The following SPAG17 variants were observed in gnomAD, a reference collection of about 807,000 sequenced individuals.
SPAG17 encodes the protein sperm associated antigen 17.
SPAG17 carries 169 observed loss-of-function variants against 273.6 expected under a neutral mutation model. The ratio of observed to expected loss-of-function variants is 0.62; its 90% CI spans 0.55 to 0.70. SPAG17 has a LOEUF of 0.70. Ranked by LOEUF, SPAG17 falls within the 30% of genes least tolerant of loss-of-function variation. The probability of loss-of-function intolerance (pLI) is 0.00; values close to 1 mark genes in which losing one functional copy is unlikely to be tolerated. For synonymous variants in SPAG17, 825 were observed against 873.2 expected, an observed-to-expected ratio of 0.94 and a Z score of 0.97; for missense variants, 2,557 against 2,627.8, an observed-to-expected ratio of 0.97 and a Z score of 0.59.
chr1:118,052,621 A>C (rs1427565391), intron 20 of SPAG17, among the ~76,000 whole-genome samples: 1 of 152,106 alleles, frequency 6.6e-6, no homozygotes, highest in African/African-American at 2.4e-5. Flanking sequence ...GCCATTTTAT[A>C]ATATGTACAT....
chr1:117,959,499 C>A, intron 48 of SPAG17: 1 of 1,501,536 alleles, frequency 6.7e-7, no homozygotes, highest in Non-Finnish European at 8.9e-7. Flanking sequence ...TAAAGGACTC[C>A]TAAACTAAGC....
chr1:118,014,514 A>C (rs1448169317), intron 29 of SPAG17, among the ~76,000 whole-genome samples: 1 of 152,244 alleles, frequency 6.6e-6, no homozygotes, highest in African/African-American at 2.4e-5. Context: ...AATGAACAAA[A>C]AACCTTTCTG....
At chr1:118,152,100 G>A (rs991789470) in intron 1 of SPAG17, among the ~76,000 whole-genome samples, 8 of 152,114 alleles carry the variant, frequency 5.3e-5, no homozygotes, top group African/African-American at 1.2e-4. Context: ...AGCTACTCAC[G>A]CAAATCAGTA....
intron 1 of SPAG17, among the ~76,000 whole-genome samples, chr1:118,154,888 G>A (rs777345678): frequency 2.0e-5 from 3 of 152,030 alleles, no homozygotes; most frequent in African/African-American, 7.2e-5. Context: ...AGAAGTTTGG[G>A]TGTAATTAGT....
intron 10 of SPAG17, among the ~76,000 whole-genome samples, chr1:118,089,382 G>T (rs897376265): frequency 1.1e-4 from 14 of 124,094 alleles, no homozygotes; most frequent in Non-Finnish European, 1.8e-4. Flanking sequence ...GAGATGACAG[G>T]TACATCTCAG....
chr1:118,070,875 T>G (rs1031784004), intron 17 of SPAG17, among the ~76,000 whole-genome samples: 1 of 152,186 alleles, frequency 6.6e-6, no homozygotes, highest in Non-Finnish European at 1.5e-5. Flanking sequence ...TTTCAAGTAT[T>G]CAGAAGTTAC....
At chr1:118,167,845 T>C (rs181939868) in intron 1 of SPAG17, among the ~76,000 whole-genome samples, 2 of 152,236 alleles carry the variant, frequency 1.3e-5, no homozygotes, top group African/African-American at 2.4e-5. Flanking sequence ...TTTTCATGAA[T>C]GGTTTAGAAC....
At chr1:118,084,321 G>C (rs1273962542) in intron 13 of SPAG17, among the ~76,000 whole-genome samples, 1 of 152,132 alleles carries the variant, frequency 6.6e-6, no homozygotes, top group Non-Finnish European at 1.5e-5. Context: ...TTTTTAGTTC[G>C]GTTAGGCTTA....
Position 118,093,146 on chromosome 1 carries a change from C to T in SPAG17, c.1173+10G>A. 1 of 1,610,040 alleles carries T rather than the reference C, an allele frequency of 6.2e-7. No homozygotes were observed. Among genetic ancestry groups the T allele is most frequent in the Non-Finnish European group, 8.5e-7 (1 of 1,178,158 alleles). On this transcript the variant is annotated intron_variant, in intron 8 of 48. Transcript: ENST00000336338. ...ATTCATCCCACTAAAGACATTGAGCCCATGCCTACCTCTGAAGTTGGCATG... is the reference window on the plus strand; with the variant it reads ...ATTCATCCCACTAAAGACATTGAGCTCATGCCTACCTCTGAAGTTGGCATG...
At position 118,073,903 on chromosome 1, in the gene SPAG17, A is replaced by T; in HGVS notation, c.2336T>A (p.Leu779Gln). Residue 779 changes from leucine (L) to glutamine (Q), a missense_variant, in exon 17 of 49, where the codon CTA (leucine) becomes CAA (glutamine). Leu to Gln is a moderately radical substitution (Grantham distance 113). Coordinates refer to ENST00000336338, the MANE Select transcript of SPAG17 (RefSeq NM_206996.4). ...EDIKKTQQRSLMDWSFTEHFK... is the reference protein window; with the variant it reads ...EDIKKTQQRSQMDWSFTEHFK... Reference sequence around the variant, plus strand: ...ATGTTCAGTAAAACTCCAGTCCATTAGACTGCGCTGCTGTGTTTTCTTTAT... The same window carrying T: ...ATGTTCAGTAAAACTCCAGTCCATTTGACTGCGCTGCTGTGTTTTCTTTAT... 6.3e-7 allele frequency: 1 copy of T among 1,576,106 alleles called. No homozygotes were observed. Among genetic ancestry groups the T allele is most frequent in the African/African-American group, 1.4e-5 (1 of 71,814 alleles).
At chr1:118,155,324 A>T (rs1570794989) in intron 1 of SPAG17, among the ~76,000 whole-genome samples, 1 of 152,232 alleles carries the variant, frequency 6.6e-6, no homozygotes, top group African/African-American at 2.4e-5. Flanking sequence ...GGGTAAATTT[A>T]CAACTGTTTT....
chr1:118,023,476 C>CAA lies in SPAG17; in HGVS notation c.3910-15_3910-14dup. On this transcript the variant is annotated splice_polypyrimidine_tract_variant and intron_variant, in intron 27 of 48. Coordinates refer to ENST00000336338, the MANE Select transcript of SPAG17 (RefSeq NM_206996.4). Reference sequence around the variant, plus strand: ...CTGCAAAGAGAATCTGAAGAATGAACAAAAGTTTTCAGCATTCTCAGAAGC... The same window carrying CAA: ...CTGCAAAGAGAATCTGAAGAATGAACAAAAAAGTTTTCAGCATTCTCAGAAGC... 1.3e-6 allele frequency: 2 copies of CAA among 1,599,574 alleles called. No homozygotes were observed. The highest frequency in any genetic ancestry group is 1.7e-6 in the Non-Finnish European group (2 of 1,172,930).
Position 118,051,670 on chromosome 1 carries a change from T to C in SPAG17, c.2814+2332A>G, listed in dbSNP as rs1195740096. Among the ~76,000 whole-genome samples the C allele has an allele frequency of 2.7e-5, 4 of 147,096 alleles. No homozygotes were observed. The East Asian group carries it at 5.9e-4, about 22-fold the overall frequency. On this transcript the variant is annotated intron_variant, in intron 20 of 48. Transcript: ENST00000336338. ...ATGTGTATATACACAAAATACATAA[T>C]ATATAATAGTATTATATAATAGTAT...
At chr1:118,020,742 G>A (rs1268280424) in intron 28 of SPAG17, among the ~76,000 whole-genome samples, 1 of 152,102 alleles carries the variant, frequency 6.6e-6, no homozygotes, top group Non-Finnish European at 1.5e-5. Flanking sequence ...AATAGGGGTT[G>A]GCAAATTGTG....
At chr1:118,156,321 A>T (rs1659647263) in intron 1 of SPAG17, among the ~76,000 whole-genome samples, 2 of 152,212 alleles carry the variant, frequency 1.3e-5, no homozygotes, top group Admixed American at 6.5e-5. Flanking sequence ...AGGGCTCTAT[A>T]CATAAATATC....
In SPAG17 at chr1:118,101,866, T is replaced by C. The variant is rs770680556; in HGVS notation, c.508A>G (p.Lys170Glu). ...GCAGGCTTGGCACTTGGAGCCTTTT[T>C]CTCCTTGGGAGATTTTGCTTTCCCT... ...DKGKAKSPKE[K>E]KAPSAKPAKG... Residue 170 changes from lysine (K) to glutamate (E), a missense_variant, in exon 5 of 49, where the codon AAA becomes GAA. Lys to Glu is a moderately conservative substitution (Grantham distance 56, BLOSUM62 1). Coordinates refer to ENST00000336338, the MANE Select transcript of SPAG17 (RefSeq NM_206996.4). 1.9e-6 allele frequency: 3 copies of C among 1,614,060 alleles called. No individual in the cohort carries two copies. In the South Asian group the frequency reaches 3.3e-5, roughly 18 times the overall value.
chr1:117,982,241 A>ATTT (rs763137879), intron 42 of SPAG17, among the ~76,000 whole-genome samples: 47 of 132,742 alleles, frequency 3.5e-4, no homozygotes, highest in Non-Finnish European at 4.4e-4. Context: ...CTATCTGCTT[A>ATTT]TTTTTTTTTT....
In SPAG17 at chr1:118,073,848, A is replaced by G; in HGVS notation, c.2385+6T>C. On this transcript the variant is annotated splice_donor_region_variant and intron_variant, in intron 17 of 48. Coordinates refer to ENST00000336338, the MANE Select transcript of SPAG17 (RefSeq NM_206996.4). ...CGTCTCCTAGAGAATCACAGTCCATAAATACCTGAAGCAGTACTTTCGGTT... is the reference window on the plus strand; with the variant it reads ...CGTCTCCTAGAGAATCACAGTCCATGAATACCTGAAGCAGTACTTTCGGTT... 1 of 1,572,938 alleles carries G rather than the reference A, an allele frequency of 6.4e-7. No individual in the cohort carries two copies. Among genetic ancestry groups the G allele is most frequent in the Admixed American group, 1.9e-5 (1 of 52,496 alleles).
At chr1:118,149,879 A>G (rs757296201) in intron 3 of SPAG17, among the ~76,000 whole-genome samples, 1 of 152,226 alleles carries the variant, frequency 6.6e-6, no homozygotes, top group Non-Finnish European at 1.5e-5. Context: ...TGAAAGCTGT[A>G]AGTTAGATAT....
Sources: gnomAD v4.1 joint callset for allele counts (sites outside exome capture counted in the v4.1 genomes callset) on GRCh38, gnomAD v4.1.1 for gene constraint, MANE v1.5 for transcripts, NCBI Gene and HGNC (gene_info 2026-07-23, HGNC 2026-07-21) for gene names.